ZNF879: variants seen among roughly 807,000 people sequenced by gnomAD.
ZNF879 encodes the protein zinc finger protein 879.
Under a neutral mutation model 44.3 loss-of-function variants are expected in ZNF879, and 32 were observed. The observed-to-expected ratio is 0.72, with a 90% confidence interval of 0.54 to 0.97. ZNF879 has a LOEUF of 0.97. ZNF879 is among the 50% of genes least tolerant of loss of function. The probability of loss-of-function intolerance (pLI) is 0.00; values close to 1 mark genes in which losing one functional copy is unlikely to be tolerated. For synonymous variants in ZNF879, 234 were observed against 233.2 expected (o/e 1.00, Z -0.03); for missense variants, 621 against 669.7 (o/e 0.93, Z 0.80).
chr5:179,031,226 C>T (rs1761408655), intron 4 of ZNF879, among the ~76,000 whole-genome samples: 1 of 152,194 alleles, frequency 6.6e-6, no homozygotes, highest in Admixed American at 6.5e-5. Context: ...ATTTCATGTC[C>T]CTTCTAGCCC....
rs1761541320 is a variant in ZNF879 at position 179,034,825 on chromosome 5, C to G, written c.*1185C>G. On this transcript the variant is annotated 3_prime_UTR_variant, in exon 5 of 5. Coordinates refer to ENST00000444149, the MANE Select transcript of ZNF879 (RefSeq NM_001136116.3). Reference sequence around the variant, plus strand: ...TACAGAGGCTAACATCTAGTTTAGCCAAGTTTATCAGGAGGGGGCAAGCAC... The same window carrying G: ...TACAGAGGCTAACATCTAGTTTAGCGAAGTTTATCAGGAGGGGGCAAGCAC... The G allele has an allele frequency of 3.3e-5, 5 of 152,080 alleles. No individual in the cohort carries two copies. The South Asian group carries it at 1.0e-3, about 32-fold the overall frequency. 9.4% of individuals were successfully genotyped at this position (152,080 alleles called of 1,614,324 possible).
At chr5:179,024,110 C>T (rs1359845862) in intron 1 of ZNF879, among the ~76,000 whole-genome samples, 1 of 152,184 alleles carries the variant, frequency 6.6e-6, no homozygotes, top group Admixed American at 6.5e-5. Context: ...CGCCGCTGGA[C>T]TCCTGGGCCG....
chr5:179,026,563 G>A (rs967838633), intron 2 of ZNF879, among the ~76,000 whole-genome samples: 1 of 152,126 alleles, frequency 6.6e-6, no homozygotes. Context: ...CGTCACTGCA[G>A]CCTCGACCTC....
At position 179,032,822 on chromosome 5, in the gene ZNF879, G is replaced by T. The variant is rs1011770022; in HGVS notation, c.874G>T (p.Glu292Ter). 35 of 1,555,228 alleles carry T rather than the reference G, an allele frequency of 2.3e-5. No individual in the cohort carries two copies. The highest frequency in any genetic ancestry group is 2.8e-5 in the Non-Finnish European group (32 of 1,149,328). ...TGGAGAGAGACCTTATAAATGCAAG[G>T]AATGTGGAAAAACATTTAAAGGTAG... Reference protein sequence around the residue: ...HTGERPYKCKECGKTFKGSSS... With the variant: ...HTGERPYKCK Residue 292 changes from glutamate to a stop codon, truncating the protein, a stop_gained, in exon 5 of 5, where the codon GAA becomes TAA. Transcript: ENST00000444149. LOFTEE classifies it high-confidence loss of function.
In ZNF879 at chr5:179,033,626, A is replaced by G. The variant is rs1304232176; in HGVS notation, c.1678A>G (p.Arg560Gly). The G allele has an allele frequency of 1.3e-6, 2 of 1,512,088 alleles. No individual in the cohort carries two copies. The highest frequency in any genetic ancestry group is 4.9e-5 in the East Asian group (2 of 40,646). 93.7% of individuals were successfully genotyped at this position (1,512,088 alleles called of 1,614,324 possible). A position where few individuals can be genotyped will look rare whatever the true frequency, so the allele number is the denominator to read the frequency against. Residue 560 changes from arginine (R) to glycine (G), a missense_variant, in exon 5 of 5, where the codon AGG (arginine) becomes GGG (glycine). Coordinates refer to ENST00000444149, the MANE Select transcript of ZNF879 (RefSeq NM_001136116.3). ...GAGCTCATCTCTTACTAATCATCAA[A>G]GGACTCATAATTGAGAAAAACTGTA... The part of the protein sequence containing the change: ...SQSSSLTNHQ[R>G]THN
In ZNF879 at chr5:179,034,574, C is replaced by T. The variant is rs1338946672; in HGVS notation, c.*934C>T. ...GGTAAAATGAACCAGATGATTTTCACCCTTACTTCCACTTTTTCGCCTTCA... is the reference window on the plus strand; with the variant it reads ...GGTAAAATGAACCAGATGATTTTCATCCTTACTTCCACTTTTTCGCCTTCA... On this transcript the variant is annotated 3_prime_UTR_variant, in exon 5 of 5. Coordinates refer to ENST00000444149, the MANE Select transcript of ZNF879 (RefSeq NM_001136116.3). The T allele has an allele frequency of 6.6e-6, 1 of 152,168 alleles. No individual in the cohort carries two copies. The highest frequency in any genetic ancestry group is 1.5e-5 in the Non-Finnish European group (1 of 68,044). 9.4% of individuals were successfully genotyped at this position (152,168 alleles called of 1,614,324 possible). A position where few individuals can be genotyped will look rare whatever the true frequency, so the allele number is the denominator to read the frequency against.
rs1277104100 is a variant in ZNF879 at position 179,027,579 on chromosome 5, A to G, written c.140A>G (p.Tyr47Cys). 6.2e-7 allele frequency: 1 copy of G among 1,613,942 alleles called. No individual in the cohort carries two copies. Among genetic ancestry groups the G allele is most frequent in the Non-Finnish European group, 8.5e-7 (1 of 1,180,004 alleles). Residue 47 changes from tyrosine (Y) to cysteine (C), a missense_variant, in exon 3 of 5, where the codon TAC becomes TGC. By Grantham distance (194) the Tyr-to-Cys change is radical. Coordinates refer to ENST00000444149, the MANE Select transcript of ZNF879 (RefSeq NM_001136116.3). ...TACCGGGAGGTGATGCTGGAGAACT[A>G]CAGCATCCTGGTCTCACTGGGTAAG... is the stretch of plus-strand genomic sequence containing the variant. ...ALYREVMLEN[Y>C]SILVSLGILF...
Position 179,034,521 on chromosome 5 carries a change from A to T in ZNF879, c.*881A>T, listed in dbSNP as rs72816692. 6 of 152,222 alleles carry T rather than the reference A, an allele frequency of 3.9e-5. No homozygotes were observed. The highest frequency in any genetic ancestry group is 1.4e-4 in the African/African-American group (6 of 41,458). The allele number at this position is 152,222 out of a possible 1,614,324, so 9.4% of individuals were successfully genotyped here. The stretch of plus-strand genomic sequence containing the variant: ...CCAGCCACCAGAAGGCCCAGGAACA[A>T]TGTAGAACTCAGGTCATCATCCTTG... On this transcript the variant is annotated 3_prime_UTR_variant, in exon 5 of 5. Transcript: ENST00000444149.
rs534219462 is a variant in ZNF879 at position 179,033,646 on chromosome 5, A to T, written c.*6A>T. 2.1e-4 allele frequency: 315 copies of T among 1,483,956 alleles called. 7 individuals are homozygous for T. The South Asian group carries it at 4.0e-3, about 19-fold the overall frequency. The allele number at this position is 1,483,956 out of a possible 1,614,324, so 91.9% of individuals were successfully genotyped here. A position where few individuals can be genotyped will look rare whatever the true frequency, so the allele number is the denominator to read the frequency against. On this transcript the variant is annotated 3_prime_UTR_variant, in exon 5 of 5. Transcript: ENST00000444149. ...ATCAAAGGACTCATAATTGAGAAAA[A>T]CTGTATAAATGCATGTAGGAACTGA...
Position 179,025,916 on chromosome 5 carries a change from C to CAAA in ZNF879, c.33+890_33+892dup, listed in dbSNP as rs769270094. ...TGCGTGACACAGCGAGACTCCGTCTCAAAAAAAAAAAAAGCCAGGTGTGGT... is the reference window on the plus strand; with the variant it reads ...TGCGTGACACAGCGAGACTCCGTCTCAAAAAAAAAAAAAAAAGCCAGGTGTGGT... On this transcript the variant is annotated intron_variant, in intron 2 of 4. Transcript: ENST00000444149. Among the ~76,000 whole-genome samples, 201 of 125,662 alleles carry CAAA rather than the reference C, an allele frequency of 1.6e-3. 1 individual carries two copies. Among genetic ancestry groups the CAAA allele is most frequent in the African/African-American group, 5.6e-3 (191 of 34,022 alleles). 82.4% of individuals were successfully genotyped at this position (125,662 alleles called of 152,430 possible). A position where few individuals can be genotyped will look rare whatever the true frequency, so the allele number is the denominator to read the frequency against.
chr5:179,027,001 C>T (rs976057925), intron 2 of ZNF879, among the ~76,000 whole-genome samples: 5 of 152,202 alleles, frequency 3.3e-5, no homozygotes, highest in African/African-American at 9.7e-5. Context: ...CATAGCCTTC[C>T]CTACTGTGAA....
chr5:179,034,378 C>G lies in ZNF879; in HGVS notation c.*738C>G, dbSNP rs1581105328. 6.6e-6 allele frequency: 1 copy of G among 152,206 alleles called. No individual in the cohort carries two copies. The highest frequency in any genetic ancestry group is 2.1e-4 in the South Asian group (1 of 4,830). The allele number at this position is 152,206 out of a possible 1,614,324, so 9.4% of individuals were successfully genotyped here. A position where few individuals can be genotyped will look rare whatever the true frequency, so the allele number is the denominator to read the frequency against. ...ATTAAATTGATAAGTAAAGGTCATT[C>G]AGACAACCACTGCTTTTGCAATTTA... On this transcript the variant is annotated 3_prime_UTR_variant, in exon 5 of 5. Transcript: ENST00000444149.
intron 1 of ZNF879, 44 bp downstream of exon 1, chr5:179,023,948 G>C (rs1761179650): frequency 6.6e-6 from 1 of 152,446 alleles, no homozygotes; most frequent in South Asian, 2.1e-4. Flanking sequence ...TGCGGCTGCC[G>C]CGGCGGGACC....
chr5:179,024,929 G>C, intron 1 of ZNF879, 41 bp from the exon 2 acceptor site: 1 of 1,492,394 alleles, frequency 6.7e-7, no homozygotes, highest in Non-Finnish European at 9.1e-7. Flanking sequence ...TGGGCATGCA[G>C]GCTGGATGAA....
chr5:179,025,933 AGGTGT>A (rs1419904403), intron 2 of ZNF879, among the ~76,000 whole-genome samples: 1 of 150,930 alleles, frequency 6.6e-6, no homozygotes, highest in Non-Finnish European at 1.5e-5. Context: ...AAAAAAAGCC[AGGTGT>A]GGTGGGTCTG....
chr5:179,033,066 A>C lies in ZNF879; in HGVS notation c.1118A>C (p.His373Pro). ...HRIHTGEKPF[H>P]CNECGKVFSY... ...ATTCATACTGGAGAGAAACCCTTTC[A>C]TTGTAACGAGTGTGGAAAAGTATTC... The change falls in exon 5 of 5, where the codon CAT becomes CCT. Residue 373 changes from histidine (H) to proline (P), a missense_variant. By Grantham distance (77) the His-to-Pro change is moderately conservative. Coordinates refer to ENST00000444149, the MANE Select transcript of ZNF879 (RefSeq NM_001136116.3). 6.4e-7 allele frequency: 1 copy of C among 1,562,536 alleles called. No homozygotes were observed. The highest frequency in any genetic ancestry group is 8.7e-7 in the Non-Finnish European group (1 of 1,153,466).
intron 2 of ZNF879, among the ~76,000 whole-genome samples, chr5:179,026,164 G>A (rs1761264751): frequency 6.6e-6 from 1 of 151,864 alleles, no homozygotes; most frequent in African/African-American, 2.4e-5. Flanking sequence ...TTCTGTACAG[G>A]ATGCTCAATT....
intron 2 of ZNF879, among the ~76,000 whole-genome samples, chr5:179,027,038 A>G (rs1296491787): frequency 6.6e-6 from 1 of 152,172 alleles, no homozygotes; most frequent in Non-Finnish European, 1.5e-5. Flanking sequence ...CCCAGGACTC[A>G]TAGAGATGGC....
chr5:179,024,282 T>C (rs1761196392), intron 1 of ZNF879, among the ~76,000 whole-genome samples: 1 of 152,250 alleles, frequency 6.6e-6, no homozygotes, highest in Non-Finnish European at 1.5e-5. Flanking sequence ...TTAGATTTAC[T>C]CGTTTTTGGC....
Sources: gnomAD v4.1 joint callset for allele counts (sites outside exome capture counted in the v4.1 genomes callset) on GRCh38, gnomAD v4.1.1 for gene constraint, MANE v1.5 for transcripts, NCBI Gene and HGNC (gene_info 2026-07-23, HGNC 2026-07-21) for gene names.